Variants in OXR1 observed in about 807,000 individuals in gnomAD.
The protein encoded by OXR1 is oxidation resistance protein 1.
OXR1 carries 41 observed loss-of-function variants against 104.6 expected under a neutral mutation model. The ratio of observed to expected loss-of-function variants is 0.39; its 90% CI spans 0.31 to 0.51. The LOEUF (loss-of-function observed/expected upper bound fraction) is 0.51, where lower values mean the gene tolerates loss of function less well. Among genes scored for constraint, OXR1 ranks in the 20% least tolerant of loss-of-function variants. The pLI, the probability that OXR1 is intolerant of heterozygous loss-of-function variation, is 0.77. For missense variants in OXR1, 955 were observed against 1,031.9 expected (o/e 0.93, Z 1.02); for synonymous variants, 348 against 348.4 (o/e 1.00, Z 0.01).
intron 3 of OXR1, among the ~76,000 whole-genome samples, chr8:106,622,130 C>T (rs1053075680): frequency 6.6e-6 from 1 of 152,000 alleles, no homozygotes; most frequent in African/African-American, 2.4e-5. Flanking sequence ...AATTCTAGGC[C>T]TTCTCTTTCT....
intron 11 of OXR1, among the ~76,000 whole-genome samples, chr8:106,732,786 GTGTTT>G (rs1198096223): frequency 3.9e-5 from 6 of 152,128 alleles, no homozygotes; most frequent in Non-Finnish European, 8.8e-5. Context: ...CAGTTTGCTA[GTGTTT>G]TGTTGAGAAT....
intron 3 of OXR1, among the ~76,000 whole-genome samples, chr8:106,554,001 C>T (rs540746067): frequency 1.3e-5 from 2 of 152,228 alleles, no homozygotes; most frequent in South Asian, 4.1e-4. Flanking sequence ...TTTTCATTAT[C>T]CTGGAATTTT....
chr8:106,365,050 A>G (rs1173429217), intron 2 of OXR1, among the ~76,000 whole-genome samples: 1 of 152,220 alleles, frequency 6.6e-6, no homozygotes, highest in Admixed American at 6.5e-5. Context: ...AGAGATTGTA[A>G]GGGAAGTTAT....
chr8:106,441,506 C>A (rs1466007022), intron 2 of OXR1, among the ~76,000 whole-genome samples: 4 of 152,126 alleles, frequency 2.6e-5, no homozygotes, highest in African/African-American at 4.8e-5. Flanking sequence ...TTACTTTGGG[C>A]AGTATGGCCA....
intron 2 of OXR1, among the ~76,000 whole-genome samples, chr8:106,456,383 A>G (rs1161244156): frequency 6.6e-6 from 1 of 152,188 alleles, no homozygotes; most frequent in Non-Finnish European, 1.5e-5. Flanking sequence ...TACTCCGCAG[A>G]AGCAGAATTA....
At chr8:106,315,290 TA>T (rs2130151441) in intron 1 of OXR1, among the ~76,000 whole-genome samples, 1 of 152,278 alleles carries the variant, frequency 6.6e-6, no homozygotes, top group African/African-American at 2.4e-5. Context: ...ATAACTTATA[TA>T]AAACACATAG....
rs1350863474 is a variant in OXR1, at chr8:106,744,691, G to A, written c.2413-1098G>A. 2.6e-5 allele frequency among the ~76,000 whole-genome samples: 4 copies of A among 152,204 alleles called. No individual in the cohort carries two copies. In the East Asian group the frequency reaches 7.7e-4, roughly 29 times the overall value. ...ATGCCAATAAAATCTAAAATGTAAA[G>A]GTATAAATGAATTTTAGTGAATGTG... On this transcript the variant is annotated intron_variant, in intron 15 of 16. Coordinates refer to ENST00000517566, the MANE Select transcript of OXR1 (RefSeq NM_001198533.2).
intron 1 of OXR1, among the ~76,000 whole-genome samples, chr8:106,287,224 G>A (rs183032833): frequency 1.8e-4 from 28 of 152,246 alleles, no homozygotes; most frequent in East Asian, 5.8e-4. Context: ...ATGAAAAGAC[G>A]TGTGAAACAT....
At chr8:106,276,122 A>G (rs1317908482) in intron 1 of OXR1, among the ~76,000 whole-genome samples, 2 of 152,166 alleles carry the variant, frequency 1.3e-5, no homozygotes, top group Non-Finnish European at 2.9e-5. Context: ...TGATTTTGTC[A>G]TTCAGAATTG....
intron 2 of OXR1, among the ~76,000 whole-genome samples, chr8:106,411,723 T>C (rs1586617375): frequency 6.6e-6 from 1 of 152,308 alleles, no homozygotes; most frequent in African/African-American, 2.4e-5. Context: ...CTTAGAACTT[T>C]GGCCTTTTAG....
At chr8:106,426,036 G>A (rs1402670902) in intron 2 of OXR1, among the ~76,000 whole-genome samples, 1 of 152,156 alleles carries the variant, frequency 6.6e-6, no homozygotes, top group African/African-American at 2.4e-5. Flanking sequence ...GACCACAAAA[G>A]GCCTGAGAGA....
intron 3 of OXR1, among the ~76,000 whole-genome samples, chr8:106,659,742 C>T (rs1014030178): frequency 6.6e-6 from 1 of 152,186 alleles, no homozygotes; most frequent in African/African-American, 2.4e-5. Flanking sequence ...GTAGTTCCAG[C>T]TACTCTGCTC....
At chr8:106,675,003 T>G (rs1266370715) in intron 3 of OXR1, among the ~76,000 whole-genome samples, 1 of 152,124 alleles carries the variant, frequency 6.6e-6, no homozygotes, top group Non-Finnish European at 1.5e-5. Flanking sequence ...ACAGAAATGT[T>G]GAGAGTAGAA....
At chr8:106,526,756 G>A (rs893102224) in intron 3 of OXR1, among the ~76,000 whole-genome samples, 6 of 152,200 alleles carry the variant, frequency 3.9e-5, no homozygotes, top group Admixed American at 2.0e-4. Context: ...TGTTAGCCAG[G>A]ATGGTCTCTA....
At chr8:106,536,643 G>C (rs1407546623) in intron 3 of OXR1, among the ~76,000 whole-genome samples, 1 of 151,878 alleles carries the variant, frequency 6.6e-6, no homozygotes, top group East Asian at 1.9e-4. Context: ...AATTTTTGTG[G>C]GTACATTGTA....
intron 3 of OXR1, among the ~76,000 whole-genome samples, chr8:106,594,313 G>C (rs995849423): frequency 3.3e-5 from 5 of 152,162 alleles, no homozygotes; most frequent in African/African-American, 9.7e-5. Flanking sequence ...TTCTATGTAA[G>C]AGGACCTCCT....
rs1437416451 is a variant in OXR1 at position 106,502,913 on chromosome 8, A to G, written c.24-16030A>G. Among the ~76,000 whole-genome samples the G allele has an allele frequency of 3.3e-5, 5 of 152,306 alleles. No individual in the cohort carries two copies. In the East Asian group the frequency reaches 9.6e-4, roughly 29 times the overall value. On this transcript the variant is annotated intron_variant, in intron 2 of 16. Transcript: ENST00000517566. ...CTGAGTAAAAGGTAATCAGAAACAA[A>G]TCCACACGAATATTAGAACTTCTGG...
chr8:106,337,072 A>T (rs187360751), intron 1 of OXR1, among the ~76,000 whole-genome samples: 1 of 152,232 alleles, frequency 6.6e-6, no homozygotes. Context: ...ATAAAGCATG[A>T]CTTAAAATAT....
chr8:106,511,194 T>C (rs1477585338), intron 2 of OXR1, among the ~76,000 whole-genome samples: 1 of 152,228 alleles, frequency 6.6e-6, no homozygotes, highest in Non-Finnish European at 1.5e-5. Context: ...TTTTAGCTGC[T>C]GATTTTTAGT....
Sources: gnomAD v4.1 joint callset for allele counts (sites outside exome capture counted in the v4.1 genomes callset) on GRCh38, gnomAD v4.1.1 for gene constraint, MANE v1.5 for transcripts, NCBI Gene and HGNC (gene_info 2026-07-23, HGNC 2026-07-21) for gene names.